Variants in ATP13A5 observed in about 807,000 individuals in gnomAD.
ATP13A5 encodes the protein ATPase 13A5.
In ATP13A5, 149 loss-of-function variants were observed where a neutral mutation model predicts 150.2. The ratio of observed to expected loss-of-function variants is 0.99; its 90% CI spans 0.87 to 1.14. The LOEUF is 1.14. Ranked by LOEUF, ATP13A5 falls within the 50% of genes most tolerant of loss-of-function variation. The probability of loss-of-function intolerance (pLI) is 0.00; values close to 1 mark genes in which losing one functional copy is unlikely to be tolerated. For synonymous variants in ATP13A5, 497 were observed against 522.2 expected (o/e 0.95, Z 0.66); for missense variants, 1,383 against 1,449.3 (o/e 0.95, Z 0.74).
intron 1 of ATP13A5, among the ~76,000 whole-genome samples, chr3:193,368,632 T>C (rs999377981): frequency 6.6e-6 from 1 of 152,098 alleles, no homozygotes; most frequent in Non-Finnish European, 1.5e-5. Flanking sequence ...CTCAAACATA[T>C]GATTTCTTCA....
chr3:193,299,808 G>C (rs1718332058), intron 24 of ATP13A5, among the ~76,000 whole-genome samples: 1 of 152,144 alleles, frequency 6.6e-6, no homozygotes, highest in South Asian at 2.1e-4. Flanking sequence ...TTACTCTCCA[G>C]GAAGTTGCCT....
intron 17 of ATP13A5, 106 bp from the exon 18 acceptor site, chr3:193,315,202 G>T: frequency 3.6e-6 from 4 of 1,106,990 alleles, no homozygotes; most frequent in Non-Finnish European, 5.0e-6. Flanking sequence ...TGCAATACAG[G>T]CACATTTTAA....
At chr3:193,284,534 C>T (rs1016380455) in intron 27 of ATP13A5, among the ~76,000 whole-genome samples, 10 of 152,112 alleles carry the variant, frequency 6.6e-5, no homozygotes, top group Admixed American at 3.3e-4. Context: ...CCCATTCTAC[C>T]GATGAGGAAA....
At chr3:193,279,667 G>A (rs1221088970) in intron 27 of ATP13A5, among the ~76,000 whole-genome samples, 1 of 152,150 alleles carries the variant, frequency 6.6e-6, no homozygotes, top group East Asian at 1.9e-4. Flanking sequence ...TGTAGAGACT[G>A]TTAATCAAAT....
chr3:193,341,554 G>A (rs974027161), intron 9 of ATP13A5, among the ~76,000 whole-genome samples: 3 of 152,076 alleles, frequency 2.0e-5, no homozygotes, highest in Admixed American at 6.6e-5. Flanking sequence ...AGGATCTGCT[G>A]CCCTGTCCAG....
chr3:193,373,433 C>T (rs111705196), intron 1 of ATP13A5, among the ~76,000 whole-genome samples: 5,144 of 130,034 alleles, frequency 0.04, 146 homozygotes, highest in South Asian at 0.13. Context: ...CGTGAGCCAC[C>T]GCGCCCAGGC....
chr3:193,373,346 G>A (rs1233123791), intron 1 of ATP13A5, among the ~76,000 whole-genome samples: 2 of 151,962 alleles, frequency 1.3e-5, no homozygotes, highest in East Asian at 1.9e-4. Flanking sequence ...ATTTTGTCAT[G>A]TTGGCCAGCC....
chr3:193,362,490 C>T, intron 4 of ATP13A5, 29 bp from the exon 5 acceptor site: 1 of 1,613,354 alleles, frequency 6.2e-7, no homozygotes, highest in Non-Finnish European at 8.5e-7. Context: ...AGGAACCACA[C>T]TTCAGTTCAT....
At chr3:193,279,575 T>C (rs531167788) in intron 27 of ATP13A5, 121 bp from the exon 28 acceptor site, 1 of 694,290 alleles carries the variant, frequency 1.4e-6, no homozygotes, top group East Asian at 2.8e-5. Flanking sequence ...GATGTTTTGA[T>C]ATATCCTCAT....
At chr3:193,293,887 T>C (rs983178586) in intron 25 of ATP13A5, among the ~76,000 whole-genome samples, 6 of 152,086 alleles carry the variant, frequency 3.9e-5, no homozygotes, top group African/African-American at 9.7e-5. Context: ...GAGTCCCTCC[T>C]GCACCTCCTT....
chr3:193,331,297 A>G lies in ATP13A5; in HGVS notation c.1287T>C (p.Asp429=). The change falls in exon 12 of 30, where the codon GAT becomes GAC. Residue 429 remains aspartate (D), a synonymous_variant. Transcript: ENST00000342358. ...GGAGGATCAGGGCCATGGTCACAGTATCTTTTGGAGGAACCTGGGAGAGGA... is the reference window on the plus strand; with the variant it reads ...GGAGGATCAGGGCCATGGTCACAGTGTCTTTTGGAGGAACCTGGGAGAGGA... ...VYMYHGVPPK[D]TVTMALILLT... 2.5e-6 allele frequency: 4 copies of G among 1,613,306 alleles called. No individual in the cohort carries two copies. The highest frequency in any genetic ancestry group is 3.4e-6 in the Non-Finnish European group (4 of 1,179,786).
intron 5 of ATP13A5, among the ~76,000 whole-genome samples, chr3:193,356,557 C>T (rs1359512111): frequency 6.6e-6 from 1 of 151,810 alleles, no homozygotes; most frequent in African/African-American, 2.4e-5. Flanking sequence ...CCAGCCTGGG[C>T]AACAAAGGGA....
intron 5 of ATP13A5, among the ~76,000 whole-genome samples, chr3:193,356,966 C>A (rs543037081): frequency 6.6e-5 from 10 of 152,264 alleles, no homozygotes; most frequent in African/African-American, 2.4e-4. Context: ...CAGGCCCACA[C>A]TACCACACCT....
At chr3:193,300,471 A>G (rs553676460) in intron 24 of ATP13A5, among the ~76,000 whole-genome samples, 2 of 152,146 alleles carry the variant, frequency 1.3e-5, no homozygotes, top group East Asian at 1.9e-4. Flanking sequence ...CTTGCAAGCA[A>G]TAGCCCACTG....
chr3:193,343,960 C>G lies in ATP13A5; in HGVS notation c.910G>C (p.Gly304Arg). ...SLPCDAVLID[G>R]SCVVNEGMLT... ...ATGCCTTCATTCACCACGCAGCTTC[C>G]ATCAATCAAAACAGCATCACATGGC... Residue 304 changes from glycine to arginine, a missense_variant, in exon 9 of 30, where the codon GGA becomes CGA. Physicochemically the swap from Gly to Arg is moderately radical, Grantham distance 125. Coordinates refer to ENST00000342358, the MANE Select transcript of ATP13A5 (RefSeq NM_198505.4). 6.2e-7 allele frequency: 1 copy of G among 1,613,364 alleles called. No homozygotes were observed. Among genetic ancestry groups the G allele is most frequent in the South Asian group, 1.1e-5 (1 of 91,054 alleles).
At chr3:193,315,174 A>G (rs1321659380) in intron 17 of ATP13A5, 78 bp from the exon 18 acceptor site, 142 of 1,432,498 alleles carry the variant, frequency 9.9e-5, no homozygotes, top group Non-Finnish European at 1.3e-4. Context: ...TCTTTTAAAA[A>G]TTTATAAGTT....
chr3:193,315,698 T>C (rs1719022899), intron 17 of ATP13A5, among the ~76,000 whole-genome samples: 1 of 152,148 alleles, frequency 6.6e-6, no homozygotes, highest in Non-Finnish European at 1.5e-5. Flanking sequence ...AAAAAGTAAA[T>C]TTGGGGGCCA....
chr3:193,371,341 T>C (rs1713431514), intron 1 of ATP13A5, among the ~76,000 whole-genome samples: 1 of 152,258 alleles, frequency 6.6e-6, no homozygotes, highest in African/African-American at 2.4e-5. Flanking sequence ...TTTCGTTGCC[T>C]TACAGGGCTG....
At chr3:193,286,398 G>T (rs1369162803) in intron 26 of ATP13A5, among the ~76,000 whole-genome samples, 1 of 151,990 alleles carries the variant, frequency 6.6e-6, no homozygotes, top group Non-Finnish European at 1.5e-5. Context: ...TGGCAACCTT[G>T]CATCTAGCAA....
Sources: gnomAD v4.1 joint callset for allele counts (sites outside exome capture counted in the v4.1 genomes callset) on GRCh38, gnomAD v4.1.1 for gene constraint, MANE v1.5 for transcripts, NCBI Gene and HGNC (gene_info 2026-07-23, HGNC 2026-07-21) for gene names.